UBE4A: variants seen among roughly 807,000 people sequenced by gnomAD.
UBE4A encodes the protein ubiquitin conjugation factor E4 A.
Under a neutral mutation model 117.9 loss-of-function variants are expected in UBE4A, and 48 were observed. That is an observed-to-expected ratio of 0.41 (90% CI 0.32 to 0.52). The LOEUF (loss-of-function observed/expected upper bound fraction) is 0.52, where lower values mean the gene tolerates loss of function less well. Among genes scored for constraint, UBE4A ranks in the 20% least tolerant of loss-of-function variants. The pLI, the probability that UBE4A is intolerant of heterozygous loss-of-function variation, is 0.33. For missense variants in UBE4A, 1,067 were observed against 1,296.3 expected, an observed-to-expected ratio of 0.82 and a Z score of 2.72; for synonymous variants, 407 against 450.0, an observed-to-expected ratio of 0.90 and a Z score of 1.21.
chr11:118,372,788 CA>C, intron 6 of UBE4A, 122 bp downstream of exon 6: 1 of 1,411,948 alleles, frequency 7.1e-7, no homozygotes, highest in Non-Finnish European at 9.7e-7. Flanking sequence ...GAGGAGGGCT[CA>C]CATCTTGATC....
chr11:118,382,919 C>CTTTT, intron 13 of UBE4A, 143 bp downstream of exon 13: 1 of 485,602 alleles, frequency 2.1e-6, no homozygotes, highest in South Asian at 1.1e-4. Context: ...ATGATAAGTG[C>CTTTT]TTTTTTTTTT....
At chr11:118,383,632 C>T (rs1948727750) in intron 13 of UBE4A, among the ~76,000 whole-genome samples, 1 of 149,692 alleles carries the variant, frequency 6.7e-6, no homozygotes, top group African/African-American at 2.4e-5. Flanking sequence ...AACATTCCCT[C>T]TCTATCTAAC....
At chr11:118,361,665 T>G (rs985414269) in intron 1 of UBE4A, among the ~76,000 whole-genome samples, 2 of 152,216 alleles carry the variant, frequency 1.3e-5, no homozygotes, top group Admixed American at 1.3e-4. Flanking sequence ...CAACAGAGAC[T>G]TATTTCCATC....
rs982468674 is a variant in UBE4A, at chr11:118,365,191, G to A, written c.111G>A (p.Lys37=). ...QFAAIQKEQL[K]QQSDELPASP... ...CGGCAATCCAAAAAGAGCAGCTGAAGCAACAATCTGGTAAGTGGAGGAGCC... is the reference window on the plus strand; with the variant it reads ...CGGCAATCCAAAAAGAGCAGCTGAAACAACAATCTGGTAAGTGGAGGAGCC... Residue 37 remains lysine, a synonymous_variant, in exon 2 of 20, where the codon AAG becomes AAA. Transcript: ENST00000252108. 2 of 1,609,026 alleles carry A rather than the reference G, an allele frequency of 1.2e-6. No homozygotes were observed. The highest frequency in any genetic ancestry group is 1.1e-5 in the South Asian group (1 of 90,162).
intron 16 of UBE4A, among the ~76,000 whole-genome samples, chr11:118,387,736 A>C (rs782657805): frequency 1.8e-4 from 27 of 152,220 alleles, no homozygotes; most frequent in Non-Finnish European, 2.9e-4. Context: ...CCATAGTTTA[A>C]GTATCAAAAT....
chr11:118,363,197 C>A (rs1230732667), intron 1 of UBE4A, among the ~76,000 whole-genome samples: 1 of 151,966 alleles, frequency 6.6e-6, no homozygotes, highest in African/African-American at 2.4e-5. Context: ...AATATGGTAT[C>A]TTTCCCTTTT....
intron 15 of UBE4A, among the ~76,000 whole-genome samples, chr11:118,385,410 G>A (rs1439279142): frequency 6.6e-6 from 1 of 152,142 alleles, no homozygotes; most frequent in African/African-American, 2.4e-5. Flanking sequence ...GAAAATCTCT[G>A]ATTTGGGTTA....
In UBE4A at chr11:118,372,643, T is replaced by A. The variant is rs932033225; in HGVS notation, c.698T>A (p.Met233Lys). Residue 233 changes from methionine to lysine, a missense_variant, in exon 6 of 20, where the codon ATG becomes AAG. By Grantham distance (95) the Met-to-Lys change is moderately conservative. This residue lies in a region of UBE4A where 1,001 missense variants were observed against 1,184.0 expected (regional missense o/e 0.85). Transcript: ENST00000252108. ...ATCCATGAGCAACTGGTAGATTTGA[T>A]GTTAGAAGCCATCCAGGGAGCCCGT... ...QNIHEQLVDL[M>K]LEAIQGAHFE... 5 of 1,614,010 alleles carry A rather than the reference T, an allele frequency of 3.1e-6. No homozygotes were observed. In the African/African-American group the frequency reaches 6.7e-5, roughly 22 times the overall value.
Position 118,384,959 on chromosome 11 carries a change from A to AG in UBE4A, c.2412+14_2412+15insG, listed in dbSNP as rs1948742414. The AG allele has an allele frequency of 6.4e-7, 1 of 1,564,476 alleles. No individual in the cohort carries two copies. Among genetic ancestry groups the AG allele is most frequent in the East Asian group, 2.2e-5 (1 of 44,684 alleles). ...GAAGCCATACAGGTAAAAAAAAAAA[A>AG]AAAAAAAAAGATTTAACTTCTCCAT... On this transcript the variant is annotated intron_variant, in intron 15 of 19. Transcript: ENST00000252108.
chr11:118,392,730 AT>A lies in UBE4A; in HGVS notation c.2917-7del. The A allele has an allele frequency of 6.2e-7, 1 of 1,613,064 alleles. No homozygotes were observed. Among genetic ancestry groups the A allele is most frequent in the Non-Finnish European group, 8.5e-7 (1 of 1,179,478 alleles). On this transcript the variant is annotated splice_polypyrimidine_tract_variant and splice_region_variant and intron_variant, in intron 18 of 19. Coordinates refer to ENST00000252108, the MANE Select transcript of UBE4A (RefSeq NM_001204077.2). ...ATTCACTTTAACTACCAGATGTTGT[AT>A]ACTCAGTCTCTTGCAGACCTCCAAC...
chr11:118,397,563 G>C lies in UBE4A; in HGVS notation c.*1123G>C, dbSNP rs1308626123. 6.6e-6 allele frequency: 1 copy of C among 152,158 alleles called. No homozygotes were observed. The highest frequency in any genetic ancestry group is 1.5e-5 in the Non-Finnish European group (1 of 68,034). 9.4% of individuals were successfully genotyped at this position (152,158 alleles called of 1,614,324 possible). ...CACAGCCATTTTAAATATCCACTTA[G>C]CCCTGTGTAGTTGGTAGGTGGACAC... On this transcript the variant is annotated 3_prime_UTR_variant, in exon 20 of 20. Coordinates refer to ENST00000252108, the MANE Select transcript of UBE4A (RefSeq NM_001204077.2).
chr11:118,385,575 T>G (rs892256646), intron 15 of UBE4A, among the ~76,000 whole-genome samples: 5 of 152,176 alleles, frequency 3.3e-5, no homozygotes, highest in South Asian at 2.1e-4. Flanking sequence ...TAACCTTCCC[T>G]GGTGGAACTG....
At chr11:118,369,592 A>G in intron 4 of UBE4A, 57 bp downstream of exon 4, 1 of 1,283,356 alleles carries the variant, frequency 7.8e-7, no homozygotes, top group African/African-American at 1.5e-5. Flanking sequence ...ATGCGGCTGA[A>G]TTCTGCTCAC....
rs1555125135 is a variant in UBE4A at position 118,375,030 on chromosome 11, G to A, written c.1251G>A (p.Trp417Ter). The A allele has an allele frequency of 6.2e-7, 1 of 1,613,990 alleles. No individual in the cohort carries two copies. The highest frequency in any genetic ancestry group is 8.5e-7 in the Non-Finnish European group (1 of 1,180,010). The change falls in exon 9 of 20, where the codon TGG becomes TGA. Residue 417 changes from tryptophan to a stop codon, truncating the protein, a stop_gained. Coordinates refer to ENST00000252108, the MANE Select transcript of UBE4A (RefSeq NM_001204077.2). LOFTEE classifies it high-confidence loss of function. ...CAAATGCAGGCCGCACCAAGATTTG[G>A]GCCAATCAGATGCCAGAAATCTTTT... is the stretch of plus-strand genomic sequence containing the variant. ...LHANAGRTKI[W>*]ANQMPEIFFQ... is the part of the protein sequence containing the mutation.
chr11:118,389,701 CAG>C (rs1408334864), intron 16 of UBE4A, 22 bp from the exon 17 acceptor site: 2 of 1,561,014 alleles, frequency 1.3e-6, no homozygotes, highest in East Asian at 2.3e-5. Context: ...ATTGAGTTTT[CAG>C]AGACTTTGGA....
intron 8 of UBE4A, 111 bp downstream of exon 8, chr11:118,373,796 T>C (rs955624556): frequency 9.1e-6 from 12 of 1,325,120 alleles, no homozygotes; most frequent in Non-Finnish European, 1.2e-5. Flanking sequence ...ATTGATCTAG[T>C]TGGCTTTTAC....
At chr11:118,374,701 G>C (rs782126654) in intron 8 of UBE4A, among the ~76,000 whole-genome samples, 195 bp from the exon 9 acceptor site, 1 of 152,218 alleles carries the variant, frequency 6.6e-6, no homozygotes, top group Non-Finnish European at 1.5e-5. Flanking sequence ...GCCATCTGCA[G>C]TTGGGCAGCT....
intron 11 of UBE4A, 131 bp downstream of exon 11, chr11:118,379,881 C>G: frequency 9.2e-7 from 1 of 1,092,214 alleles, no homozygotes; most frequent in East Asian, 2.6e-5. Context: ...ACAACTCAAA[C>G]TTAGATAATA....
rs2134110581 is a variant in UBE4A, at chr11:118,389,990, T to C, written c.2768+85T>C. Reference sequence around the variant, plus strand: ...TAGTAGAATGACTGGTTGGTAATTATGTGAAAATAGAAAAGAAATGGTTAA... The same window carrying C: ...TAGTAGAATGACTGGTTGGTAATTACGTGAAAATAGAAAAGAAATGGTTAA... On this transcript the variant is annotated intron_variant, in intron 17 of 19. Transcript: ENST00000252108. 5 of 1,331,270 alleles carry C rather than the reference T, an allele frequency of 3.8e-6. No individual in the cohort carries two copies. The Middle Eastern group carries it at 6.7e-4, about 177-fold the overall frequency. The allele number at this position is 1,331,270 out of a possible 1,614,324, so 82.5% of individuals were successfully genotyped here.
Sources: allele counts gnomAD v4.1 joint callset (sites outside exome capture counted in the v4.1 genomes callset), GRCh38; gene constraint gnomAD v4.1.1; regional missense constraint gnomAD v4.1.1; transcripts MANE v1.5; gene names NCBI Gene and HGNC (gene_info 2026-07-23, HGNC 2026-07-21).